Variants in SORCS1 observed in about 807,000 individuals in gnomAD.
SORCS1 encodes VPS10 domain-containing receptor SorCS1.
A neutral mutation model predicts 146.1 loss-of-function variants in SORCS1; 60 were observed. That is an observed-to-expected ratio of 0.41 (90% CI 0.33 to 0.51). SORCS1 has a LOEUF of 0.51. Among genes scored for constraint, SORCS1 ranks in the 20% least tolerant of loss-of-function variants. The pLI is 0.21. For missense variants in SORCS1, 1,352 were observed against 1,487.6 expected, an observed-to-expected ratio of 0.91 and a Z score of 1.50; for synonymous variants, 637 against 584.0, an observed-to-expected ratio of 1.09 and a Z score of -1.31.
At chr10:106,704,883 G>T (rs1854405285) in intron 8 of SORCS1, among the ~76,000 whole-genome samples, 1 of 151,852 alleles carries the variant, frequency 6.6e-6, no homozygotes, top group Admixed American at 6.6e-5. Context: ...GTCAATCAAA[G>T]AAACAACAAT....
intron 2 of SORCS1, among the ~76,000 whole-genome samples, chr10:106,891,321 G>A (rs1255984955): frequency 6.6e-6 from 1 of 151,872 alleles, no homozygotes; most frequent in African/African-American, 2.4e-5. Flanking sequence ...TGAAGAAAAA[G>A]TATTTTTAGA....
At chr10:106,947,707 C>G (rs822082) in intron 2 of SORCS1, among the ~76,000 whole-genome samples, 148,810 of 152,290 alleles carry the variant, frequency 0.98, 72,765 homozygotes, top group Non-Finnish European at 1. Flanking sequence ...TTAGCCGGGC[C>G]TGGTGGCAGG....
intron 1 of SORCS1, among the ~76,000 whole-genome samples, chr10:107,078,175 C>T (rs1963039998): frequency 6.6e-6 from 1 of 152,080 alleles, no homozygotes; most frequent in Non-Finnish European, 1.5e-5. Flanking sequence ...GGTCTATTTT[C>T]AGTAATTCAC....
chr10:106,617,848 T>A (rs1462117297), intron 21 of SORCS1, among the ~76,000 whole-genome samples: 1 of 152,220 alleles, frequency 6.6e-6, no homozygotes, highest in Non-Finnish European at 1.5e-5. Flanking sequence ...TATTCAAATA[T>A]TACTAACAAT....
intron 1 of SORCS1, among the ~76,000 whole-genome samples, chr10:107,057,968 C>A (rs1479770306): frequency 6.6e-6 from 1 of 152,138 alleles, no homozygotes; most frequent in Non-Finnish European, 1.5e-5. Flanking sequence ...ACAGGCATGA[C>A]CCACAGTGCC....
intron 1 of SORCS1, among the ~76,000 whole-genome samples, chr10:107,034,680 CAAAAAAAAAAA>C (rs553032484): frequency 1.4e-3 from 20 of 13,798 alleles, no homozygotes; most frequent in African/African-American, 4.8e-3. Flanking sequence ...AACTCCATCT[CAAAAAAAAAAA>C]AAAAAAAAAA....
chr10:106,885,979 T>C (rs1159271964), intron 2 of SORCS1, among the ~76,000 whole-genome samples: 1 of 152,158 alleles, frequency 6.6e-6, no homozygotes, highest in Non-Finnish European at 1.5e-5. Context: ...ACCTCTTTCT[T>C]GGCCAGGTGC....
intron 1 of SORCS1, among the ~76,000 whole-genome samples, chr10:107,019,960 A>G (rs1262737334): frequency 6.6e-6 from 1 of 152,232 alleles, no homozygotes; most frequent in East Asian, 1.9e-4. Context: ...GAACTACAGA[A>G]AATCTGACAA....
chr10:106,731,093 A>G (rs1449813558), intron 5 of SORCS1, among the ~76,000 whole-genome samples: 1 of 151,748 alleles, frequency 6.6e-6, no homozygotes, highest in Non-Finnish European at 1.5e-5. Flanking sequence ...GCGGATCACA[A>G]GGTCAGGAGA....
At chr10:107,126,187 C>A (rs1419065559) in intron 1 of SORCS1, among the ~76,000 whole-genome samples, 1 of 152,092 alleles carries the variant, frequency 6.6e-6, no homozygotes, top group East Asian at 1.9e-4. Flanking sequence ...TTAAGCCTAA[C>A]CTCTTCCAAG....
At position 106,688,325 on chromosome 10, in the gene SORCS1, T is replaced by C. The variant is rs1450949270; in HGVS notation, c.1427A>G (p.Lys476Arg). The C allele has an allele frequency of 6.2e-7, 1 of 1,613,338 alleles. No homozygotes were observed. Among genetic ancestry groups the C allele is most frequent in the Non-Finnish European group, 8.5e-7 (1 of 1,179,656 alleles). ...MIDLYEVAGI[K>R]GMFLANKKID... The stretch of plus-strand genomic sequence containing the variant: ...CTTCTTGTTAGCCAAGAACATTCCC[T>C]TTATCCCTGCTACCTGGGAAAAATT... The change falls in exon 10 of 26, where the codon AAG becomes AGG. Residue 476 changes from lysine (K) to arginine (R), a missense_variant. This residue lies in a region of SORCS1 where 648 missense variants were observed against 793.8 expected (regional missense o/e 0.82). Transcript: ENST00000263054.
intron 6 of SORCS1, among the ~76,000 whole-genome samples, chr10:106,725,071 C>T (rs900599085): frequency 6.6e-6 from 1 of 151,998 alleles, no homozygotes; most frequent in Non-Finnish European, 1.5e-5. Context: ...ATCCAGGAGG[C>T]AGAGGTTGCA....
chr10:107,057,192 T>C lies in SORCS1; in HGVS notation c.559-100612A>G, dbSNP rs927656357. On this transcript the variant is annotated intron_variant, in intron 1 of 25. Coordinates refer to ENST00000263054, the MANE Select transcript of SORCS1 (RefSeq NM_052918.5). ...TGTTGATTCTTAAATCATCAGTGGA[T>C]AACCACTTTATGAAAGAGATCCATC... Among the ~76,000 whole-genome samples the C allele has an allele frequency of 2.0e-5, 3 of 152,218 alleles. No individual in the cohort carries two copies. In the East Asian group the frequency reaches 5.8e-4, roughly 29 times the overall value.
chr10:107,075,892 C>T (rs1369912006), intron 1 of SORCS1, among the ~76,000 whole-genome samples: 1 of 151,980 alleles, frequency 6.6e-6, no homozygotes, highest in African/African-American at 2.4e-5. Context: ...TCTTAGGGAG[C>T]TTCACATTCA....
intron 1 of SORCS1, among the ~76,000 whole-genome samples, chr10:107,163,155 G>A (rs1244133354): frequency 6.6e-6 from 1 of 152,200 alleles, no homozygotes; most frequent in African/African-American, 2.4e-5. Context: ...CCAGCCTCCT[G>A]GAATTGAGCA....
chr10:106,573,706 T>C lies in SORCS1; in HGVS notation c.*3714A>G, dbSNP rs539796188. 2 of 152,256 alleles carry C rather than the reference T, an allele frequency of 1.3e-5. No individual in the cohort carries two copies. Among genetic ancestry groups the C allele is most frequent in the Non-Finnish European group, 2.9e-5 (2 of 68,030 alleles). The allele number at this position is 152,256 out of a possible 1,614,324, so 9.4% of individuals were successfully genotyped here. ...AATTTAATAAACAGACATTGTATAG[T>C]TAATTGAAATGCAGGTAGAATTCAG... On this transcript the variant is annotated 3_prime_UTR_variant, in exon 26 of 26. Coordinates refer to ENST00000263054, the MANE Select transcript of SORCS1 (RefSeq NM_052918.5).
At chr10:107,065,268 G>C (rs1044777853) in intron 1 of SORCS1, among the ~76,000 whole-genome samples, 2 of 152,058 alleles carry the variant, frequency 1.3e-5, no homozygotes, top group Non-Finnish European at 2.9e-5. Flanking sequence ...GAGCCTAAGC[G>C]AGCTTTGCAC....
intron 1 of SORCS1, among the ~76,000 whole-genome samples, chr10:107,070,801 T>C (rs1590066870): frequency 2.0e-5 from 3 of 152,280 alleles, no homozygotes; most frequent in Admixed American, 2.0e-4. Context: ...CTGAATACTC[T>C]TTTGGAGAAT....
rs967298297 is a variant in SORCS1, at chr10:106,933,572, C to T, written c.626+22941G>A. ...CAAGGCCAAGAAGTTGCAAACTAAA[C>T]ACTTACTCTCAAGGAGTCCAATAGT... On this transcript the variant is annotated intron_variant, in intron 2 of 25. Transcript: ENST00000263054. Among the ~76,000 whole-genome samples the T allele has an allele frequency of 2.0e-5, 3 of 152,152 alleles. No individual in the cohort carries two copies. The South Asian group carries it at 6.2e-4, about 32-fold the overall frequency.
Sources: allele counts gnomAD v4.1 joint callset (sites outside exome capture counted in the v4.1 genomes callset), GRCh38; gene constraint gnomAD v4.1.1; regional missense constraint gnomAD v4.1.1; transcripts MANE v1.5; gene names NCBI Gene and HGNC (gene_info 2026-07-23, HGNC 2026-07-21).